TAOK3: variants seen among roughly 807,000 people sequenced by gnomAD.
The protein encoded by TAOK3 is TAO kinase 3, also known as serine/threonine-protein kinase TAO3.
A neutral mutation model predicts 120.4 loss-of-function variants in TAOK3; 40 were observed. The ratio of observed to expected loss-of-function variants is 0.33; its 90% confidence interval spans 0.26 to 0.43. The LOEUF (loss-of-function observed/expected upper bound fraction) is 0.43. TAOK3 is among the 20% of genes least tolerant of loss of function. TAOK3 has a pLI of 1.00. For synonymous variants in TAOK3, 355 were observed against 387.5 expected (o/e 0.92, Z 0.99); for missense variants, 821 against 1,112.1 (o/e 0.74, Z 3.72).
At chr12:118,230,833 A>G (rs888416042) in intron 9 of TAOK3, among the ~76,000 whole-genome samples, 4 of 152,058 alleles carry the variant, frequency 2.6e-5, no homozygotes, top group African/African-American at 7.2e-5. Context: ...AAACATGCAA[A>G]TATTTCTGCT....
intron 1 of TAOK3, among the ~76,000 whole-genome samples, chr12:118,359,333 T>C (rs902456797): frequency 1.3e-5 from 2 of 152,186 alleles, no homozygotes; most frequent in Non-Finnish European, 2.9e-5. Flanking sequence ...TGAAAGTCTA[T>C]CAATGCTCAC....
At position 118,172,596 on chromosome 12, in the gene TAOK3, T is replaced by C. The variant is rs758885646; in HGVS notation, c.1760A>G (p.Glu587Gly). 1.2e-6 allele frequency: 2 copies of C among 1,614,236 alleles called. No individual in the cohort carries two copies. The highest frequency in any genetic ancestry group is 1.7e-6 in the Non-Finnish European group (2 of 1,180,046). Residue 587 changes from glutamate to glycine, a missense_variant, in exon 17 of 21, where the codon GAG (glutamate) becomes GGG (glycine). Glu to Gly is a moderately conservative substitution (Grantham distance 98, BLOSUM62 -2). Coordinates refer to ENST00000392533, the MANE Select transcript of TAOK3 (RefSeq NM_016281.4). ...EKQERISKHK[E>G]NLQHTQAEEE... The stretch of plus-strand genomic sequence containing the variant: ...TTCAGCCTGTGTGTGCTGCAAGTTC[T>C]CTTTATGTTTGGAGATCCGCTCTTG...
At chr12:118,213,275 TAAATA>T (rs1402644552) in intron 10 of TAOK3, among the ~76,000 whole-genome samples, 1 of 152,178 alleles carries the variant, frequency 6.6e-6, no homozygotes, top group Non-Finnish European at 1.5e-5. Flanking sequence ...ATACTATGTT[TAAATA>T]AAAGTTTTAT....
chr12:118,293,304 C>G (rs187780164), intron 1 of TAOK3, among the ~76,000 whole-genome samples: 1 of 152,136 alleles, frequency 6.6e-6, no homozygotes, highest in African/African-American at 2.4e-5. Context: ...TAAAAGGTAC[C>G]AAGCTTAATT....
chr12:118,270,664 T>C (rs1209403125), intron 1 of TAOK3, among the ~76,000 whole-genome samples: 1 of 150,762 alleles, frequency 6.6e-6, no homozygotes, highest in African/African-American at 2.4e-5. Context: ...TCCAGCTAAA[T>C]GTCACTTTTT....
chr12:118,320,028 G>C (rs1398799286), intron 1 of TAOK3, among the ~76,000 whole-genome samples: 1 of 152,162 alleles, frequency 6.6e-6, no homozygotes, highest in Non-Finnish European at 1.5e-5. Context: ...CCATAAAAAG[G>C]AATGAAGTAC....
intron 1 of TAOK3, among the ~76,000 whole-genome samples, chr12:118,337,504 A>T (rs1038988027): frequency 3.3e-5 from 5 of 152,222 alleles, no homozygotes; most frequent in Admixed American, 6.5e-5. Context: ...CAAACGCTGG[A>T]AACAACCCAG....
At chr12:118,332,675 C>T (rs1010489494) in intron 1 of TAOK3, among the ~76,000 whole-genome samples, 1 of 152,172 alleles carries the variant, frequency 6.6e-6, no homozygotes, top group African/African-American at 2.4e-5. Context: ...TTCCCGACTG[C>T]GGGATGACAT....
chr12:118,208,691 A>T (rs576875041), intron 11 of TAOK3, among the ~76,000 whole-genome samples: 139 of 152,204 alleles, frequency 9.1e-4, no homozygotes, highest in African/African-American at 3.0e-3. Flanking sequence ...TCCCACTTCT[A>T]GGAATTTCTT....
At chr12:118,254,393 C>T (rs977062746) in intron 3 of TAOK3, among the ~76,000 whole-genome samples, 1 of 152,098 alleles carries the variant, frequency 6.6e-6, no homozygotes, top group Non-Finnish European at 1.5e-5. Context: ...GTTCTTGAGT[C>T]TGTAACGATG....
At chr12:118,352,435 G>A (rs1035352029) in intron 1 of TAOK3, among the ~76,000 whole-genome samples, 4 of 151,274 alleles carry the variant, frequency 2.6e-5, no homozygotes, top group South Asian at 2.1e-4. Flanking sequence ...AACCTGGGAG[G>A]CAGAGGTTGC....
chr12:118,327,571 TAGAC>T (rs2043984248), intron 1 of TAOK3, among the ~76,000 whole-genome samples: 1 of 152,200 alleles, frequency 6.6e-6, no homozygotes, highest in Admixed American at 6.5e-5. Context: ...CAATCTGTGT[TAGAC>T]AGAGTTAAGT....
chr12:118,184,326 T>C (rs1345172005), intron 14 of TAOK3, among the ~76,000 whole-genome samples: 2 of 152,206 alleles, frequency 1.3e-5, no homozygotes, highest in African/African-American at 2.4e-5. Context: ...GATATTTCAA[T>C]TGAAAAGTCT....
intron 2 of TAOK3, among the ~76,000 whole-genome samples, chr12:118,265,090 C>A (rs1343286255): frequency 6.6e-6 from 1 of 151,524 alleles, no homozygotes; most frequent in Non-Finnish European, 1.5e-5. Flanking sequence ...AAAATATTTG[C>A]CAGTTAAAAG....
intron 1 of TAOK3, among the ~76,000 whole-genome samples, chr12:118,310,062 C>T (rs73412971): frequency 0.083 from 12,610 of 152,088 alleles, 654 homozygotes; most frequent in Admixed American, 0.12. Context: ...ATCGCTTGAG[C>T]CCAGGAGTTT....
In TAOK3 at chr12:118,326,839, A is replaced by G. The variant is rs544600271; in HGVS notation, c.-194+45809T>C. Among the ~76,000 whole-genome samples, 4 of 152,292 alleles carry G rather than the reference A, an allele frequency of 2.6e-5. No individual in the cohort carries two copies. The South Asian group carries it at 8.3e-4, about 32-fold the overall frequency. On this transcript the variant is annotated intron_variant, in intron 1 of 20. Coordinates refer to ENST00000392533, the MANE Select transcript of TAOK3 (RefSeq NM_016281.4). ...ATTCCAGCGATACAAAGGGGCAGAG[A>G]TAGAAAATTTTCTTCTGCACTTAGC...
intron 1 of TAOK3, among the ~76,000 whole-genome samples, chr12:118,294,398 T>C (rs1179297345): frequency 6.6e-6 from 1 of 152,106 alleles, no homozygotes; most frequent in Non-Finnish European, 1.5e-5. Context: ...TTTTTTTTCT[T>C]TTTTTGATAG....
At chr12:118,304,388 G>A (rs576599920) in intron 1 of TAOK3, among the ~76,000 whole-genome samples, 10 of 152,130 alleles carry the variant, frequency 6.6e-5, no homozygotes, top group African/African-American at 2.2e-4. Context: ...GAACTAGGCC[G>A]ACTACAAAAT....
intron 2 of TAOK3, 85 bp from the exon 3 acceptor site, chr12:118,255,740 C>T: frequency 1.6e-6 from 1 of 623,138 alleles, no homozygotes; most frequent in South Asian, 2.9e-5. Flanking sequence ...TATTAAAAGC[C>T]TCTTGGTCTC....
Sources: gnomAD v4.1 joint callset for allele counts (sites outside exome capture counted in the v4.1 genomes callset) on GRCh38, gnomAD v4.1.1 for gene constraint, MANE v1.5 for transcripts, NCBI Gene and HGNC (gene_info 2026-07-23, HGNC 2026-07-21) for gene names.